The following BFAR variants were observed in gnomAD, a reference collection of about 807,000 sequenced individuals.
BFAR encodes the protein RING finger protein 47.
A neutral mutation model predicts 54.4 loss-of-function variants in BFAR; 52 were observed. The observed-to-expected ratio is 0.96, with a 90% CI of 0.77 to 1.21. The LOEUF (loss-of-function observed/expected upper bound fraction) is 1.21, where lower values mean the gene tolerates loss of function less well. Ranked by LOEUF, BFAR falls within the 50% of genes most tolerant of loss-of-function variation. The pLI is 0.00. For synonymous variants in BFAR, 215 were observed against 204.3 expected (o/e 1.05, Z -0.45); for missense variants, 571 against 534.0 (o/e 1.07, Z -0.68).
At chr16:14,647,432 A>C (rs1424919872) in intron 2 of BFAR, among the ~76,000 whole-genome samples, 1 of 152,036 alleles carries the variant, frequency 6.6e-6, no homozygotes, top group Non-Finnish European at 1.5e-5. Flanking sequence ...GCGGTGGCTC[A>C]TGCCTGTAAT....
chr16:14,657,145 G>C (rs562528697), intron 5 of BFAR, among the ~76,000 whole-genome samples: 1 of 152,104 alleles, frequency 6.6e-6, no homozygotes, highest in African/African-American at 2.4e-5. Context: ...ATATGTGCGT[G>C]TATTACTTTA....
At chr16:14,665,229 C>G in intron 7 of BFAR, 158 bp downstream of exon 7, 1 of 694,246 alleles carries the variant, frequency 1.4e-6, no homozygotes, top group Non-Finnish European at 2.4e-6. Flanking sequence ...GTGAATAGGA[C>G]AATTACCTGT....
intron 1 of BFAR, among the ~76,000 whole-genome samples, chr16:14,640,314 G>C (rs1959582201): frequency 6.6e-6 from 1 of 152,138 alleles, no homozygotes; most frequent in African/African-American, 2.4e-5. Context: ...TGAAAGCTCG[G>C]GGGTCAGGCA....
At chr16:14,658,150 G>T (rs1960181158) in intron 5 of BFAR, among the ~76,000 whole-genome samples, 1 of 152,224 alleles carries the variant, frequency 6.6e-6, no homozygotes, top group Non-Finnish European at 1.5e-5. Context: ...TAGCAAGAGA[G>T]AGGGGACTTC....
At chr16:14,664,709 A>T (rs1242083380) in intron 6 of BFAR, among the ~76,000 whole-genome samples, 160 bp from the exon 7 acceptor site, 2 of 152,184 alleles carry the variant, frequency 1.3e-5, no homozygotes, top group Non-Finnish European at 2.9e-5. Flanking sequence ...CATGTTGGCC[A>T]GCCTGGTCTT....
At chr16:14,633,755 C>T (rs1959341983) in intron 1 of BFAR, among the ~76,000 whole-genome samples, 1 of 152,188 alleles carries the variant, frequency 6.6e-6, no homozygotes, top group South Asian at 2.1e-4. Flanking sequence ...CAGGTTCAAG[C>T]GATTCTCTTG....
Position 14,644,414 on chromosome 16 carries a change from C to A in BFAR, c.68C>A (p.Thr23Asn), listed in dbSNP as rs1210243487. The A allele has an allele frequency of 6.2e-7, 1 of 1,613,920 alleles. No individual in the cohort carries two copies. Among genetic ancestry groups the A allele is most frequent in the East Asian group, 2.2e-5 (1 of 44,878 alleles). The stretch of plus-strand genomic sequence containing the variant: ...GAGAGAGATGAACCTCTCAAAAGCA[C>A]CGGCCCTCAGATTTCTGTTAGTGAA... ...DLERDEPLKS[T>N]GPQISVSEFS... Residue 23 changes from threonine (T) to asparagine (N), a missense_variant, in exon 2 of 8, where the codon ACC (threonine) becomes AAC (asparagine). Coordinates refer to ENST00000261658, the MANE Select transcript of BFAR (RefSeq NM_016561.3).
At chr16:14,637,272 G>C (rs1460433916) in intron 1 of BFAR, among the ~76,000 whole-genome samples, 2 of 152,186 alleles carry the variant, frequency 1.3e-5, no homozygotes, top group Middle Eastern at 3.2e-3. Context: ...TGATAAAGGA[G>C]TAAATCAGTC....
In BFAR at chr16:14,664,863, T is replaced by A; in HGVS notation, c.958-6T>A. On this transcript the variant is annotated splice_polypyrimidine_tract_variant and splice_region_variant and intron_variant, in intron 6 of 7. Transcript: ENST00000261658. ...GACTTTTTGCGTCTGTGTGTTATTT[T>A]TTAAGGATCTTAAGGAGCCTACGTG... 1.9e-6 allele frequency: 3 copies of A among 1,611,902 alleles called. No individual in the cohort carries two copies. The highest frequency in any genetic ancestry group is 2.5e-6 in the Non-Finnish European group (3 of 1,178,020).
At chr16:14,663,191 A>G (rs1960340853) in intron 6 of BFAR, among the ~76,000 whole-genome samples, 1 of 152,210 alleles carries the variant, frequency 6.6e-6, no homozygotes, top group African/African-American at 2.4e-5. Flanking sequence ...GAAATTGGGC[A>G]TAAGACAACA....
intron 7 of BFAR, 91 bp downstream of exon 7, chr16:14,665,162 A>C: frequency 7.8e-7 from 1 of 1,277,064 alleles, no homozygotes; most frequent in Non-Finnish European, 1.1e-6. Context: ...CACTTGAAAT[A>C]AATCCTCCAT....
At chr16:14,653,136 G>A (rs1046439890) in intron 4 of BFAR, among the ~76,000 whole-genome samples, 2 of 152,066 alleles carry the variant, frequency 1.3e-5, no homozygotes, top group Non-Finnish European at 2.9e-5. Flanking sequence ...TGGAATTGCT[G>A]GGCCAAAGAT....
intron 5 of BFAR, among the ~76,000 whole-genome samples, chr16:14,660,230 T>C (rs1217119687): frequency 6.6e-6 from 1 of 152,216 alleles, no homozygotes; most frequent in Non-Finnish European, 1.5e-5. Flanking sequence ...GCCATCCTTA[T>C]ATCTTCTGTG....
At chr16:14,653,331 T>C (rs1960028199) in intron 4 of BFAR, among the ~76,000 whole-genome samples, 1 of 152,122 alleles carries the variant, frequency 6.6e-6, no homozygotes, top group South Asian at 2.1e-4. Context: ...TTTTTTAATT[T>C]AATTTTTATT....
At chr16:14,664,463 G>A (rs1960382758) in intron 6 of BFAR, among the ~76,000 whole-genome samples, 1 of 150,922 alleles carries the variant, frequency 6.6e-6, no homozygotes, top group South Asian at 2.1e-4. Context: ...TGTTGGATGT[G>A]TGTGTGTGTG....
intron 4 of BFAR, among the ~76,000 whole-genome samples, chr16:14,653,639 TTC>T (rs1456160702): frequency 6.6e-6 from 1 of 152,100 alleles, no homozygotes; most frequent in East Asian, 1.9e-4. Context: ...AATTTGTGTT[TTC>T]TGATGAGGAA....
At chr16:14,651,167 GC>G (rs1439390171) in intron 4 of BFAR, among the ~76,000 whole-genome samples, 1 of 152,144 alleles carries the variant, frequency 6.6e-6, no homozygotes, top group East Asian at 1.9e-4. Flanking sequence ...CCCCAAGACT[GC>G]CCCTGACTAA....
intron 1 of BFAR, chr16:14,633,570 A>G (rs746383362): frequency 2.0e-5 from 3 of 152,244 alleles, no homozygotes; most frequent in South Asian, 2.1e-4. Flanking sequence ...TGAAATCCCA[A>G]AGTCACACTG....
chr16:14,667,435 A>G (rs554989123), intron 7 of BFAR, 200 bp from the exon 8 acceptor site: 3 of 539,922 alleles, frequency 5.6e-6, no homozygotes, highest in Non-Finnish European at 9.8e-6. Context: ...GGGGGCAAAG[A>G]AGCTCCCTGT....
Sources: allele counts gnomAD v4.1 joint callset (sites outside exome capture counted in the v4.1 genomes callset), GRCh38; gene constraint gnomAD v4.1.1; transcripts MANE v1.5; gene names NCBI Gene and HGNC (gene_info 2026-07-23, HGNC 2026-07-21).